LARGE2: variants seen among roughly 807,000 people sequenced by gnomAD.
LARGE2 encodes the protein LARGE xylosyl- and glucuronyltransferase 2.
Under a neutral mutation model 75.3 loss-of-function variants are expected in LARGE2, and 63 were observed. The observed-to-expected ratio is 0.84, with a 90% CI of 0.68 to 1.03. The LOEUF is 1.03. Ranked by LOEUF, LARGE2 falls within the 50% of genes least tolerant of loss-of-function variation. The probability of loss-of-function intolerance (pLI) is 0.00; values close to 1 mark genes in which losing one functional copy is unlikely to be tolerated. For synonymous variants in LARGE2, 428 were observed against 420.1 expected, an observed-to-expected ratio of 1.02 and a Z score of -0.23; for missense variants, 925 against 980.6, an observed-to-expected ratio of 0.94 and a Z score of 0.76.
At position 45,927,524 on chromosome 11, in the gene LARGE2, C is replaced by T. The variant is rs1339354100; in HGVS notation, c.1535C>T (p.Ala512Val). The change falls in exon 11 of 14, where the codon GCC (alanine) becomes GTC (valine). Residue 512 changes from alanine to valine, a missense_variant. Transcript: ENST00000401752. Reference protein sequence around the residue: ...NQLRNVALAQALTPYVFLSDI... With the variant: ...NQLRNVALAQVLTPYVFLSDI... ...CTTCGCAACGTGGCCTTGGCCCAGG[C>T]CCTCACGCCTTACGTCTTCCTCAGT... The T allele has an allele frequency of 6.2e-7, 1 of 1,614,084 alleles. No homozygotes were observed. Among genetic ancestry groups the T allele is most frequent in the Non-Finnish European group, 8.5e-7 (1 of 1,180,046 alleles).
At position 45,922,941 on chromosome 11, in the gene LARGE2, T is replaced by G; in HGVS notation, c.59T>G (p.Leu20Arg). Residue 20 changes from leucine to arginine, a missense_variant, in exon 2 of 14, where the codon CTG (leucine) becomes CGG (arginine). Transcript: ENST00000401752. Reference protein sequence around the residue: ...LGAAALLLLLLLLGFLLFGGD... With the variant: ...LGAAALLLLLRLLGFLLFGGD... ...GCCGCCGCGCTGTTGCTGCTGCTGCTGCTGCTCGGATTCCTCCTGTTCGGT... is the reference window on the plus strand; with the variant it reads ...GCCGCCGCGCTGTTGCTGCTGCTGCGGCTGCTCGGATTCCTCCTGTTCGGT... 1 of 1,285,922 alleles carries G rather than the reference T, an allele frequency of 7.8e-7. No homozygotes were observed. The allele number at this position is 1,285,922 out of a possible 1,614,324, so 79.7% of individuals were successfully genotyped here.
At chr11:45,928,479 A>G in intron 13 of LARGE2, 107 bp downstream of exon 13, 1 of 1,530,982 alleles carries the variant, frequency 6.5e-7, no homozygotes, top group Non-Finnish European at 8.8e-7. Flanking sequence ...CACTGTTAGA[A>G]ATGTCCCCCT....
intron 3 of LARGE2, among the ~76,000 whole-genome samples, chr11:45,923,813 C>T (rs1325169147): frequency 2.6e-5 from 4 of 151,238 alleles, no homozygotes; most frequent in Admixed American, 2.6e-4. Context: ...GGTGAAACCC[C>T]GTCTCTACTA....
At position 45,926,617 on chromosome 11, in the gene LARGE2, C is replaced by A. The variant is rs2087162990; in HGVS notation, c.1164+20C>A. 6.2e-7 allele frequency: 1 copy of A among 1,613,666 alleles called. No individual in the cohort carries two copies. The highest frequency in any genetic ancestry group is 8.5e-7 in the Non-Finnish European group (1 of 1,179,858). On this transcript the variant is annotated intron_variant, in intron 9 of 13. Transcript: ENST00000401752. ...GAGCAGGTGAGAAGGAGTCACCTTC[C>A]CCTGCCCCTCTCTGCTTTGGTGGGA...
rs1170923639 is a variant in LARGE2 at position 45,923,068 on chromosome 11, G to A, written c.186G>A (p.Leu62=). Residue 62 remains leucine (L), a synonymous_variant, in exon 2 of 14, where the codon CTG becomes CTA. Transcript: ENST00000401752. ...LMPRVPPDGR[L]RRAAALDGDP... is the part of the protein sequence containing the mutation. Reference sequence around the variant, plus strand: ...CACGTGTCCCCCCAGACGGGAGGCTGCGGAGAGCCGCCGCCCTCGACGGAG... The same window carrying A: ...CACGTGTCCCCCCAGACGGGAGGCTACGGAGAGCCGCCGCCCTCGACGGAG... 2.1e-6 allele frequency: 3 copies of A among 1,415,582 alleles called. No individual in the cohort carries two copies. The highest frequency in any genetic ancestry group is 2.8e-5 in the Admixed American group (1 of 35,280). The allele number at this position is 1,415,582 out of a possible 1,614,324, so 87.7% of individuals were successfully genotyped here.
Position 45,924,599 on chromosome 11 carries a change from C to T in LARGE2, c.586C>T (p.Arg196Cys), listed in dbSNP as rs201899150. Residue 196 changes from arginine to cysteine, a missense_variant, in exon 5 of 14, where the codon CGC (arginine) becomes TGC (cysteine). This residue lies in a region of LARGE2 where 453 missense variants were observed against 460.2 expected (regional missense o/e 0.98). Coordinates refer to ENST00000401752, the MANE Select transcript of LARGE2 (RefSeq NM_001300721.2). Reference protein sequence around the residue: ...LPSALPAELARVIVLDTDVTF... With the variant: ...LPSALPAELACVIVLDTDVTF... ...CAGTGCCTTGCCTGCTGAGCTGGCC[C>T]GCGTCATTGTCCTGGACACGGATGT... 9.6e-5 allele frequency: 155 copies of T among 1,614,070 alleles called. No individual in the cohort carries two copies. The Middle Eastern group carries it at 1.3e-3, about 14-fold the overall frequency.
chr11:45,928,595 C>G (rs141206902), intron 13 of LARGE2, 35 bp from the exon 14 acceptor site: 21,234 of 1,597,244 alleles, frequency 0.013, 157 homozygotes, highest in Non-Finnish European at 0.016. Context: ...GCCAGGCAAG[C>G]CAGGCAGCCA....
rs1199651560 is a variant in LARGE2 at position 45,928,806 on chromosome 11, C to A, written c.2127C>A (p.Leu709=). The A allele has an allele frequency of 1.2e-6, 2 of 1,613,490 alleles. No individual in the cohort carries two copies. The highest frequency in any genetic ancestry group is 1.7e-6 in the Non-Finnish European group (2 of 1,180,006). Residue 709 remains leucine (L), a synonymous_variant, in exon 14 of 14, where the codon CTC becomes CTA. Transcript: ENST00000401752. ...RHHGAAALKY[L]PALQQPQSPA... is the part of the protein sequence containing the mutation. ...ATGGGGCTGCTGCCCTCAAATACCT[C>A]CCAGCCCTGCAGCAGCCCCAGAGCC...
chr11:45,926,763 G>GGCA lies in LARGE2; in HGVS notation c.1226_1228dup (p.Gln409dup). ...GAGGAAGACCCCTGCTTTGAGTTCC[G>GGCA]GCAGCAGCAGCTCACTGTGCACCGT... is the stretch of plus-strand genomic sequence containing the variant. On this transcript the variant is annotated inframe_insertion, in exon 10 of 14. Coordinates refer to ENST00000401752, the MANE Select transcript of LARGE2 (RefSeq NM_001300721.2). 6.2e-7 allele frequency: 1 copy of GGCA among 1,613,540 alleles called. No individual in the cohort carries two copies. Among genetic ancestry groups the GGCA allele is most frequent in the South Asian group, 1.1e-5 (1 of 91,078 alleles).
chr11:45,927,800 G>A lies in LARGE2; in HGVS notation c.1605-120G>A, dbSNP rs373696624. 372 of 1,511,918 alleles carry A rather than the reference G, an allele frequency of 2.5e-4. No individual in the cohort carries two copies. In the South Asian group the frequency reaches 2.8e-3, roughly 11 times the overall value. The allele number at this position is 1,511,918 out of a possible 1,614,324, so 93.7% of individuals were successfully genotyped here. The stretch of plus-strand genomic sequence containing the variant: ...GCTCCACCTGTGGTTGTGCCCACCC[G>A]TCGCATCAGGCAAGATGGCCCATGG... On this transcript the variant is annotated intron_variant, in intron 11 of 13. Transcript: ENST00000401752.
chr11:45,924,421 C>T (rs1266034927), intron 4 of LARGE2, 85 bp from the exon 5 acceptor site: 4 of 1,565,836 alleles, frequency 2.6e-6, no homozygotes, highest in Non-Finnish European at 3.5e-6. Flanking sequence ...GGTTTACCCC[C>T]TCTCCTCTGT....
chr11:45,926,826 C>T lies in LARGE2; in HGVS notation c.1280C>T (p.Pro427Leu). 6.2e-7 allele frequency: 1 copy of T among 1,613,346 alleles called. No individual in the cohort carries two copies. Among genetic ancestry groups the T allele is most frequent in the East Asian group, 2.2e-5 (1 of 44,878 alleles). The change falls in exon 10 of 14, where the codon CCC (proline) becomes CTC (leucine). Residue 427 changes from proline to leucine, a missense_variant. Physicochemically the swap from Pro to Leu is moderately conservative, Grantham distance 98. Transcript: ENST00000401752. ...TTCCTGCCCCATGAACCGCCACCCC[C>T]CCGGCCTCACGATGTCACCCTTGTG... ...VTFLPHEPPP[P>L]RPHDVTLVAQ...
Position 45,922,948 on chromosome 11 carries a change from C to A in LARGE2, c.66C>A (p.Leu22=). ...AAALLLLLLL[L]GFLLFGGDLG... is the part of the protein sequence containing the mutation. ...CGCTGTTGCTGCTGCTGCTGCTGCT[C>A]GGATTCCTCCTGTTCGGTGGGGACC... Residue 22 remains leucine (L), a synonymous_variant, in exon 2 of 14, where the codon CTC becomes CTA. Transcript: ENST00000401752. 11 of 1,287,150 alleles carry A rather than the reference C, an allele frequency of 8.5e-6. No individual in the cohort carries two copies. The highest frequency in any genetic ancestry group is 1.1e-5 in the Non-Finnish European group (11 of 1,020,654). The allele number at this position is 1,287,150 out of a possible 1,614,324, so 79.7% of individuals were successfully genotyped here.
At chr11:45,928,507 A>G in intron 13 of LARGE2, 123 bp from the exon 14 acceptor site, 1 of 1,530,370 alleles carries the variant, frequency 6.5e-7, no homozygotes, top group Non-Finnish European at 8.8e-7. Context: ...AATTAAAATA[A>G]TCTGCCCTTT....
intron 6 of LARGE2, among the ~76,000 whole-genome samples, chr11:45,925,672 A>G (rs2087113801): frequency 6.6e-6 from 1 of 151,982 alleles, no homozygotes; most frequent in Admixed American, 6.6e-5. Flanking sequence ...AAATAAGTAA[A>G]TAAATAAAAA....
Position 45,926,333 on chromosome 11 carries a change from G to T in LARGE2, c.994G>T (p.Ala332Ser), listed in dbSNP as rs1298411307. The T allele has an allele frequency of 1.9e-6, 3 of 1,614,168 alleles. No homozygotes were observed. In the South Asian group the frequency reaches 3.3e-5, roughly 18 times the overall value. The change falls in exon 8 of 14, where the codon GCG becomes TCG. Residue 332 changes from alanine to serine, a missense_variant. Around this residue, in one of 3 missense-constraint regions of LARGE2, gnomAD observed 453 missense variants for 460.2 expected, o/e 0.98. Transcript: ENST00000401752. ...ACTGGCCGAGCGCTGCTACTCTGAG[G>T]CGTCTGACCTCAAGGTGAGTGGGAC... is the stretch of plus-strand genomic sequence containing the variant. ...HTLAERCYSE[A>S]SDLKVIHWNS...
upstream of LARGE2, among the ~76,000 whole-genome samples, chr11:45,922,522 C>T (rs1337132833): frequency 6.6e-6 from 1 of 152,072 alleles, no homozygotes; most frequent in African/African-American, 2.4e-5. Flanking sequence ...TTCGGGGGCT[C>T]CTCGCGGGCT....
rs150310193 is a variant in LARGE2, at chr11:45,923,521, G to A, written c.334G>A (p.Val112Ile). The A allele has an allele frequency of 4.0e-5, 65 of 1,613,884 alleles. No individual in the cohort carries two copies. Among genetic ancestry groups the A allele is most frequent in the Non-Finnish European group, 4.5e-5 (53 of 1,179,998 alleles). ...VCAGHNSSRD[V>I]ITLVKSMLFY... ...TGCGGGGCATAACTCCAGCCGAGAC[G>A]TCATCACCCTGGTGAAGTCCATGCT... The change falls in exon 3 of 14, where the codon GTC becomes ATC. Residue 112 changes from valine to isoleucine, a missense_variant. This residue lies in a region of LARGE2 where 453 missense variants were observed against 460.2 expected (regional missense o/e 0.98). Transcript: ENST00000401752.
Position 45,929,005 on chromosome 11 carries a change from G to A in LARGE2, c.*160G>A. On this transcript the variant is annotated 3_prime_UTR_variant, in exon 14 of 14. Transcript: ENST00000401752. The stretch of plus-strand genomic sequence containing the variant: ...CCCCTTGCTGCTATTGTATGGCTGG[G>A]GACTGGTCTCTCTCTGCCCCAGCCA... The A allele has an allele frequency of 6.3e-6, 6 of 947,456 alleles. No individual in the cohort carries two copies. In the South Asian group the frequency reaches 1.0e-4, roughly 16 times the overall value. The allele number at this position is 947,456 out of a possible 1,614,324, so 58.7% of individuals were successfully genotyped here. A position where few individuals can be genotyped will look rare whatever the true frequency, so the allele number is the denominator to read the frequency against.
Sources: allele counts gnomAD v4.1 joint callset (sites outside exome capture counted in the v4.1 genomes callset), GRCh38; gene constraint gnomAD v4.1.1; regional missense constraint gnomAD v4.1.1; transcripts MANE v1.5; gene names NCBI Gene and HGNC (gene_info 2026-07-23, HGNC 2026-07-21).